Variants in SRPK2 observed in about 807,000 individuals in gnomAD.
The protein encoded by SRPK2 is SRSF protein kinase 2, also known as SFRS protein kinase 2.
Under a neutral mutation model 90.8 loss-of-function variants are expected in SRPK2, and 21 were observed. The observed-to-expected ratio is 0.23, with a 90% CI of 0.16 to 0.33. The LOEUF (loss-of-function observed/expected upper bound fraction) is 0.33. SRPK2 is among the 10% of genes least tolerant of loss of function. The pLI, the probability that SRPK2 is intolerant of heterozygous loss-of-function variation, is 1.00. For synonymous variants in SRPK2, 288 were observed against 311.1 expected, an observed-to-expected ratio of 0.93 and a Z score of 0.78; for missense variants, 620 against 869.0, an observed-to-expected ratio of 0.71 and a Z score of 3.60.
intron 2 of SRPK2, among the ~76,000 whole-genome samples, chr7:105,228,702 AAC>A (rs1485019599): frequency 6.6e-6 from 1 of 152,136 alleles, no homozygotes; most frequent in East Asian, 1.9e-4. Flanking sequence ...ATGAGCTGCT[AAC>A]ACACTGCTGT....
At chr7:105,253,664 C>T (rs532732513) in intron 2 of SRPK2, among the ~76,000 whole-genome samples, 1 of 152,250 alleles carries the variant, frequency 6.6e-6, no homozygotes, top group South Asian at 2.1e-4. Flanking sequence ...ACAGAGAGCA[C>T]GCCCCTGTCC....
At chr7:105,140,574 C>T (rs1273157983) in intron 11 of SRPK2, among the ~76,000 whole-genome samples, 1 of 151,592 alleles carries the variant, frequency 6.6e-6, no homozygotes, top group African/African-American at 2.4e-5. Flanking sequence ...GCACTCCAGC[C>T]TGGGCAACTA....
chr7:105,122,780 T>C (rs144823613), intron 15 of SRPK2, among the ~76,000 whole-genome samples: 1 of 152,160 alleles, frequency 6.6e-6, no homozygotes, highest in East Asian at 1.9e-4. Context: ...GTATTTAAGG[T>C]CTGTAGTCTG....
intron 2 of SRPK2, chr7:105,301,651 T>C: frequency 1.2e-6 from 2 of 1,611,524 alleles, no homozygotes; most frequent in South Asian, 2.2e-5. Context: ...TCCCAAAGCC[T>C]TCTTAATAGA....
chr7:105,145,466 T>G (rs922745830), intron 8 of SRPK2, among the ~76,000 whole-genome samples, 158 bp from the exon 9 acceptor site: 4 of 152,154 alleles, frequency 2.6e-5, no homozygotes, highest in Admixed American at 1.3e-4. Context: ...GGATCTAGAG[T>G]AAGTTTATGC....
chr7:105,368,182 A>C (rs1231955113), intron 2 of SRPK2, among the ~76,000 whole-genome samples: 1 of 152,202 alleles, frequency 6.6e-6, no homozygotes, highest in East Asian at 1.9e-4. Context: ...GCTACTGAAA[A>C]ATAAAATAAA....
chr7:105,316,766 C>T (rs1812354186), intron 2 of SRPK2, among the ~76,000 whole-genome samples: 1 of 152,206 alleles, frequency 6.6e-6, no homozygotes, highest in Admixed American at 6.5e-5. Context: ...CAGTTACATC[C>T]ATGTGGAGGC....
At chr7:105,353,470 G>C (rs1195538939) in intron 2 of SRPK2, among the ~76,000 whole-genome samples, 1 of 152,080 alleles carries the variant, frequency 6.6e-6, no homozygotes, top group South Asian at 2.1e-4. Context: ...CTCCCAAGTA[G>C]CTGGGATTAC....
intron 3 of SRPK2, among the ~76,000 whole-genome samples, chr7:105,172,278 G>T (rs1483927467): frequency 6.6e-6 from 1 of 152,166 alleles, no homozygotes; most frequent in Non-Finnish European, 1.5e-5. Flanking sequence ...AACACTGTGC[G>T]AGGCACTTTA....
chr7:105,114,976 A>G (rs906620870), downstream of SRPK2, among the ~76,000 whole-genome samples: 4 of 152,220 alleles, frequency 2.6e-5, no homozygotes, highest in Non-Finnish European at 4.4e-5. Context: ...TTTCAAACAG[A>G]ATAAAGGTAA....
At chr7:105,216,877 A>T (rs1166152344) in intron 2 of SRPK2, among the ~76,000 whole-genome samples, 3 of 152,176 alleles carry the variant, frequency 2.0e-5, no homozygotes, top group Non-Finnish European at 2.9e-5. Flanking sequence ...CCATTTCTCT[A>T]GGCTTCTGAT....
intron 3 of SRPK2, among the ~76,000 whole-genome samples, chr7:105,192,096 GT>G (rs1236753717): frequency 6.6e-6 from 1 of 151,078 alleles, no homozygotes; most frequent in Non-Finnish European, 1.5e-5. Context: ...GGAACAGGTG[GT>G]GTTTGGTTAC....
intron 3 of SRPK2, among the ~76,000 whole-genome samples, chr7:105,177,489 G>A (rs1743283267): frequency 6.6e-6 from 1 of 152,084 alleles, no homozygotes; most frequent in South Asian, 2.1e-4. Flanking sequence ...AAACAAATAG[G>A]TAAATGTCAT....
At chr7:105,146,919 C>A (rs1167975712) in intron 7 of SRPK2, among the ~76,000 whole-genome samples, 2 of 152,150 alleles carry the variant, frequency 1.3e-5, no homozygotes, top group African/African-American at 2.4e-5. Context: ...CCTTGAACAA[C>A]ACAGGTTTGA....
At position 105,142,401 on chromosome 7, in the gene SRPK2, T is replaced by G. The variant is rs143341338; in HGVS notation, c.1150A>C (p.Ile384Leu). The G allele has an allele frequency of 1.2e-6, 2 of 1,614,198 alleles. No homozygotes were observed. The highest frequency in any genetic ancestry group is 1.7e-6 in the Non-Finnish European group (2 of 1,180,022). Residue 384 changes from isoleucine (I) to leucine (L), a missense_variant, in exon 11 of 16, where the codon ATA (isoleucine) becomes CTA (leucine). Ile to Leu is a conservative substitution (Grantham distance 5). Transcript: ENST00000393651. ...EDDVDQELAN[I>L]DPTWIESPKT... ...GGTGATTCTATCCACGTAGGGTCTA[T>G]GTTCGCAAGTTCCTGATCTACATCA...
At chr7:105,156,977 G>A (rs1806587008) in intron 7 of SRPK2, among the ~76,000 whole-genome samples, 1 of 152,126 alleles carries the variant, frequency 6.6e-6, no homozygotes, top group African/African-American at 2.4e-5. Context: ...CAGCAAACAG[G>A]CAATGGGAAG....
chr7:105,312,180 G>A (rs965205548), intron 2 of SRPK2, among the ~76,000 whole-genome samples: 9 of 152,184 alleles, frequency 5.9e-5, no homozygotes, highest in Admixed American at 2.0e-4. Context: ...AGTGGCTCAC[G>A]CCTGTAATCC....
rs766909732 is a variant in SRPK2 at position 105,117,822 on chromosome 7, A to G, written c.*16T>C. On this transcript the variant is annotated 3_prime_UTR_variant, in exon 16 of 16. Coordinates refer to ENST00000393651, the MANE Select transcript of SRPK2 (RefSeq NM_182692.3). ...GGAACATTTGCTAGCTCAGAATGCA[A>G]TATTGGTAGAATTTGCTAAGAATTC... 7 of 1,611,832 alleles carry G rather than the reference A, an allele frequency of 4.3e-6. No individual in the cohort carries two copies. The highest frequency in any genetic ancestry group is 2.7e-5 in the African/African-American group (2 of 74,878).
At chr7:105,145,822 ATGATC>A (rs1244514090) in intron 8 of SRPK2, among the ~76,000 whole-genome samples, 2 of 152,212 alleles carry the variant, frequency 1.3e-5, no homozygotes, top group Non-Finnish European at 2.9e-5. Flanking sequence ...GGCTGGGTCC[ATGATC>A]TAAACAACAC....
Sources: gnomAD v4.1 joint callset for allele counts (sites outside exome capture counted in the v4.1 genomes callset) on GRCh38, gnomAD v4.1.1 for gene constraint, MANE v1.5 for transcripts, NCBI Gene and HGNC (gene_info 2026-07-23, HGNC 2026-07-21) for gene names.